The following DPYS variants were observed in gnomAD, a reference collection of about 807,000 sequenced individuals.
DPYS encodes the protein dihydropyrimidine amidohydrolase.
DPYS carries 39 observed loss-of-function variants against 50.3 expected under a neutral mutation model. The observed-to-expected ratio is 0.78, with a 90% CI of 0.60 to 1.01. DPYS has a LOEUF of 1.01. DPYS is among the 50% of genes least tolerant of loss of function. The pLI, the probability that DPYS is intolerant of heterozygous loss-of-function variation, is 0.00. For missense variants in DPYS, 659 were observed against 680.9 expected, an observed-to-expected ratio of 0.97 and a Z score of 0.36; for synonymous variants, 245 against 250.7, an observed-to-expected ratio of 0.98 and a Z score of 0.22.
intron 5 of DPYS, 100 bp from the exon 6 acceptor site, chr8:104,428,221 T>TGAAGAATC: frequency 6.5e-7 from 1 of 1,527,356 alleles, no homozygotes; most frequent in Non-Finnish European, 9.1e-7. Flanking sequence ...CCTTCTCAAT[T>TGAAGAATC]GAAGTCAGAA....
intron 7 of DPYS, among the ~76,000 whole-genome samples, chr8:104,399,488 C>T (rs980129125): frequency 2.0e-5 from 3 of 152,020 alleles, no homozygotes; most frequent in Non-Finnish European, 4.4e-5. Flanking sequence ...CATCCTGAGA[C>T]ATGCAGGAGA....
chr8:104,400,306 A>G (rs1375534707), intron 7 of DPYS, among the ~76,000 whole-genome samples: 1 of 152,214 alleles, frequency 6.6e-6, no homozygotes, highest in Non-Finnish European at 1.5e-5. Context: ...GGCAGAGTTC[A>G]AAAGGCCTGA....
chr8:104,444,379 C>T lies in DPYS; in HGVS notation c.662G>A (p.Arg221His), dbSNP rs575692986. 28 of 1,614,200 alleles carry T rather than the reference C, an allele frequency of 1.7e-5. No homozygotes were observed. Among genetic ancestry groups the T allele is most frequent in the Admixed American group, 3.3e-5 (2 of 60,032 alleles). The change falls in exon 4 of 10, where the codon CGC becomes CAC. Residue 221 changes from arginine (R) to histidine (H), a missense_variant. Physicochemically the swap from Arg to His is conservative, Grantham distance 29. Coordinates refer to ENST00000351513, the MANE Select transcript of DPYS (RefSeq NM_001385.3). ...ITGPEGHELC[R>H]PEAVEAEATL... is the part of the protein sequence containing the mutation. ...GGCCTCTGCCTCCACTGCCTCTGGG[C>T]GGCACAGCTCGTGGCCCTCAGGGCC...
intron 4 of DPYS, among the ~76,000 whole-genome samples, chr8:104,436,451 A>G (rs1355504873): frequency 2.6e-5 from 4 of 152,140 alleles, no homozygotes; most frequent in African/African-American, 9.7e-5. Flanking sequence ...CTCTACTAAA[A>G]ATACAAAAAT....
intron 4 of DPYS, among the ~76,000 whole-genome samples, chr8:104,441,095 C>T (rs1813337911): frequency 6.6e-6 from 1 of 152,160 alleles, no homozygotes; most frequent in South Asian, 2.1e-4. Context: ...TGGTCACATG[C>T]ATGGGGTAGG....
intron 4 of DPYS, among the ~76,000 whole-genome samples, chr8:104,435,767 C>T (rs948838607): frequency 6.6e-6 from 1 of 152,036 alleles, no homozygotes; most frequent in Non-Finnish European, 1.5e-5. Flanking sequence ...TCTTCTTTCC[C>T]AGTTCACAAA....
At chr8:104,447,231 A>G in intron 3 of DPYS, 93 bp downstream of exon 3, 1 of 1,467,766 alleles carries the variant, frequency 6.8e-7, no homozygotes, top group South Asian at 1.2e-5. Context: ...CTTCCAATGC[A>G]TTAAATGAGT....
chr8:104,402,660 T>C (rs1424474557), intron 7 of DPYS, among the ~76,000 whole-genome samples: 1 of 152,138 alleles, frequency 6.6e-6, no homozygotes, highest in East Asian at 1.9e-4. Context: ...TATATAGAAA[T>C]ACACTGGGTA....
At chr8:104,416,231 A>C (rs1002367484) in intron 7 of DPYS, among the ~76,000 whole-genome samples, 1 of 152,188 alleles carries the variant, frequency 6.6e-6, no homozygotes, top group African/African-American at 2.4e-5. Context: ...TGGATTAGCA[A>C]CAGATATTTG....
chr8:104,394,055 T>C, intron 7 of DPYS, among the ~76,000 whole-genome samples: 1 of 152,212 alleles, frequency 6.6e-6, no homozygotes, highest in African/African-American at 2.4e-5. Context: ...GAACATACAA[T>C]GTTTGGTTTT....
rs189191022 is a variant in DPYS, at chr8:104,452,950, C to T, written c.265-1546G>A. 1.1e-4 allele frequency among the ~76,000 whole-genome samples: 17 copies of T among 152,242 alleles called. No individual in the cohort carries two copies. The East Asian group carries it at 2.5e-3, about 23-fold the overall frequency. The stretch of plus-strand genomic sequence containing the variant: ...TCAGGATTAGGAATTTTTCCATCTT[C>T]CCTATATCGTGTTACCTCATCACCA... On this transcript the variant is annotated intron_variant, in intron 1 of 9. Coordinates refer to ENST00000351513, the MANE Select transcript of DPYS (RefSeq NM_001385.3).
At position 104,392,868 on chromosome 8, in the gene DPYS, G is replaced by A; in HGVS notation, c.1359C>T (p.Phe453=). The part of the protein sequence containing the change: ...RGKVVYEAGV[F]SVTAGDGKFI... Reference sequence around the variant, plus strand: ...ACTTCCCATCTCCTGCCGTGACACTGAACACTCCGGCTTCATATACCACTT... The same window carrying A: ...ACTTCCCATCTCCTGCCGTGACACTAAACACTCCGGCTTCATATACCACTT... Residue 453 remains phenylalanine (F), a synonymous_variant, in exon 8 of 10, where the codon TTC becomes TTT. Transcript: ENST00000351513. 6 of 1,614,172 alleles carry A rather than the reference G, an allele frequency of 3.7e-6. No individual in the cohort carries two copies. Among genetic ancestry groups the A allele is most frequent in the Non-Finnish European group, 4.2e-6 (5 of 1,180,028 alleles).
Position 104,381,305 on chromosome 8 carries a change from G to A in DPYS, c.1453C>T (p.Pro485Ser). 6.2e-7 allele frequency: 1 copy of A among 1,614,106 alleles called. No homozygotes were observed. The highest frequency in any genetic ancestry group is 8.5e-7 in the Non-Finnish European group (1 of 1,179,962). The change falls in exon 9 of 10, where the codon CCT becomes TCT. Residue 485 changes from proline to serine, a missense_variant. Pro to Ser is a moderately conservative substitution (Grantham distance 74). Coordinates refer to ENST00000351513, the MANE Select transcript of DPYS (RefSeq NM_001385.3). ...TAGGGTGCACGCTCCACAGGGGTAG[G>A]TGTGCAAGTCTGAAAGAGAACATTT... ...RIKQRDRTCT[P>S]TPVERAPYKG...
intron 3 of DPYS, 64 bp downstream of exon 3, chr8:104,447,260 T>C (rs1355048478): frequency 1.0e-5 from 16 of 1,591,802 alleles, no homozygotes; most frequent in Non-Finnish European, 1.4e-5. Context: ...GTAGGCCCAA[T>C]CATCTTCACC....
chr8:104,398,317 T>A (rs1257180388), intron 7 of DPYS, among the ~76,000 whole-genome samples: 1 of 152,192 alleles, frequency 6.6e-6, no homozygotes, highest in Non-Finnish European at 1.5e-5. Flanking sequence ...AGCAGCAGGA[T>A]CTGAGCTCCA....
intron 4 of DPYS, among the ~76,000 whole-genome samples, chr8:104,438,223 A>G (rs2140680541): frequency 6.6e-6 from 1 of 152,332 alleles, no homozygotes; most frequent in Non-Finnish European, 1.5e-5. Context: ...TGAAAGGGAA[A>G]GTCAGCAGAT....
chr8:104,381,415 C>G (rs770493086), intron 8 of DPYS, 101 bp from the exon 9 acceptor site: 62 of 1,129,336 alleles, frequency 5.5e-5, no homozygotes, highest in Non-Finnish European at 7.9e-5. Context: ...AAAAAAGAAT[C>G]TTATAAATTT....
rs1260051938 is a variant in DPYS at position 104,444,309 on chromosome 8, G to A, written c.732C>T (p.Leu244=). The A allele has an allele frequency of 6.2e-7, 1 of 1,614,248 alleles. No homozygotes were observed. The highest frequency in any genetic ancestry group is 8.5e-7 in the Non-Finnish European group (1 of 1,180,058). Reference sequence around the variant, plus strand: ...ACTTGCTCATCACATGCACAATGTAGAGAGGACAGTTCACAGCGCTGGCTA... The same window carrying A: ...ACTTGCTCATCACATGCACAATGTAAAGAGGACAGTTCACAGCGCTGGCTA... The part of the protein sequence containing the change: ...ITIASAVNCP[L]YIVHVMSKSA... The change falls in exon 4 of 10, where the codon CTC becomes CTT. Residue 244 remains leucine, a synonymous_variant. Transcript: ENST00000351513.
intron 1 of DPYS, among the ~76,000 whole-genome samples, chr8:104,454,368 A>G (rs924435902): frequency 6.6e-6 from 1 of 152,242 alleles, no homozygotes; most frequent in African/African-American, 2.4e-5. Flanking sequence ...CCTGGGTGAC[A>G]AGAGTGAAAC....
Sources: allele counts gnomAD v4.1 joint callset (sites outside exome capture counted in the v4.1 genomes callset), GRCh38; gene constraint gnomAD v4.1.1; transcripts MANE v1.5; gene names NCBI Gene and HGNC (gene_info 2026-07-23, HGNC 2026-07-21).